The following IGSF5 variants were observed in gnomAD, a reference collection of about 807,000 sequenced individuals.
IGSF5 encodes the protein immunoglobulin superfamily 5 like.
A neutral mutation model predicts 39.4 loss-of-function variants in IGSF5; 41 were observed. The ratio of observed to expected loss-of-function variants is 1.04; its 90% CI spans 0.81 to 1.35. IGSF5 has a LOEUF of 1.35. IGSF5 is among the 40% of genes most tolerant of loss of function. The probability of loss-of-function intolerance (pLI) is 0.00; values close to 1 mark genes in which losing one functional copy is unlikely to be tolerated. For synonymous variants in IGSF5, 183 were observed against 175.3 expected, an observed-to-expected ratio of 1.04 and a Z score of -0.34; for missense variants, 487 against 494.6, an observed-to-expected ratio of 0.98 and a Z score of 0.15.
intron 5 of IGSF5, among the ~76,000 whole-genome samples, chr21:39,786,025 A>G (rs1282719235): frequency 6.6e-6 from 1 of 152,236 alleles, no homozygotes; most frequent in East Asian, 1.9e-4. Context: ...CCTAGGCATT[A>G]CCATTCAGAA....
chr21:39,748,969 A>C (rs2146269987), intron 2 of IGSF5, among the ~76,000 whole-genome samples: 1 of 152,286 alleles, frequency 6.6e-6, no homozygotes, highest in South Asian at 2.1e-4. Context: ...ACAAAAATTA[A>C]CTTTTCTGCT....
intron 4 of IGSF5, among the ~76,000 whole-genome samples, chr21:39,778,326 G>C (rs1370706578): frequency 6.6e-6 from 1 of 152,154 alleles, no homozygotes; most frequent in African/African-American, 2.4e-5. Context: ...ATGATCATGT[G>C]AAGCCACAAC....
At chr21:39,742,875 T>C (rs538719880), upstream of IGSF5, among the ~76,000 whole-genome samples, 5 of 152,222 alleles carry the variant, frequency 3.3e-5, no homozygotes, top group Admixed American at 3.3e-4. Flanking sequence ...TTCTAAGTTT[T>C]GCTCCAGGCC....
At chr21:39,715,555 A>G in the IGSF5 span, among the ~76,000 whole-genome samples, 1 of 152,168 alleles carries the variant, frequency 6.6e-6, no homozygotes, top group Non-Finnish European at 1.5e-5. Flanking sequence ...CTTAATAATC[A>G]TCTCTAGCAC....
chr21:39,799,630 C>G lies in IGSF5; in HGVS notation c.1129-1632C>G, dbSNP rs114650893. Among the ~76,000 whole-genome samples the G allele has an allele frequency of 1.4e-3, 211 of 151,968 alleles. 1 individual carries two copies. The highest frequency in any genetic ancestry group is 4.7e-3 in the African/African-American group (195 of 41,430). On this transcript the variant is annotated intron_variant, in intron 8 of 8. Transcript: ENST00000380588. Reference sequence around the variant, plus strand: ...ATTTAGAATTACTTGTACCTCGTGTCCCTGCTCCACCGGCCTTGCTGCAAA... The same window carrying G: ...ATTTAGAATTACTTGTACCTCGTGTGCCTGCTCCACCGGCCTTGCTGCAAA...
At position 39,771,318 on chromosome 21, in the gene IGSF5, C is replaced by T. The variant is rs1049134679; in HGVS notation, c.718+103C>T. 4.1e-5 allele frequency: 47 copies of T among 1,141,502 alleles called. No homozygotes were observed. In the South Asian group the frequency reaches 8.7e-4, roughly 21 times the overall value. 70.7% of individuals were successfully genotyped at this position (1,141,502 alleles called of 1,614,324 possible). A position where few individuals can be genotyped will look rare whatever the true frequency, so the allele number is the denominator to read the frequency against. On this transcript the variant is annotated intron_variant, in intron 4 of 8. Coordinates refer to ENST00000380588, the MANE Select transcript of IGSF5 (RefSeq NM_001080444.2). ...CACGATGCCTGGAAAAATCATATGG[C>T]GACCTTGATTTTGGGTGGGGATGAT...
chr21:39,770,631 T>A (rs146058603), intron 3 of IGSF5, among the ~76,000 whole-genome samples: 5 of 152,048 alleles, frequency 3.3e-5, no homozygotes, highest in Admixed American at 1.3e-4. Flanking sequence ...CACATAATTA[T>A]TTCCCCCTGG....
At chr21:39,732,079 C>T in the IGSF5 span, among the ~76,000 whole-genome samples, 1 of 152,148 alleles carries the variant, frequency 6.6e-6, no homozygotes, top group African/African-American at 2.4e-5. Flanking sequence ...CAGAACCAAG[C>T]TCCTAGTCAA....
Position 39,771,198 on chromosome 21 carries a change from T to C in IGSF5, c.701T>C (p.Val234Ala). The change falls in exon 4 of 9, where the codon GTG (valine) becomes GCG (alanine). Residue 234 changes from valine (V) to alanine (A), a missense_variant. Val to Ala is a moderately conservative substitution (Grantham distance 64). Coordinates refer to ENST00000380588, the MANE Select transcript of IGSF5 (RefSeq NM_001080444.2). ...AAGTCTGCAACTGTAAATCTCACTG[T>C]GATTCGGTGTCCCCAAGGTAAGTGA... is the stretch of plus-strand genomic sequence containing the variant. Reference protein sequence around the residue: ...ARKSATVNLTVIRCPQDTGGG... With the variant: ...ARKSATVNLTAIRCPQDTGGG... 6.3e-7 allele frequency: 1 copy of C among 1,578,168 alleles called. No individual in the cohort carries two copies. Among genetic ancestry groups the C allele is most frequent in the African/African-American group, 1.4e-5 (1 of 74,042 alleles).
At chr21:39,794,142 C>T (rs988155013) in intron 8 of IGSF5, among the ~76,000 whole-genome samples, 21 of 152,060 alleles carry the variant, frequency 1.4e-4, no homozygotes, top group Admixed American at 2.6e-4. Flanking sequence ...AAAATCCTGT[C>T]GGGGTTAGAA....
intron 8 of IGSF5, among the ~76,000 whole-genome samples, 168 bp downstream of exon 8, chr21:39,793,781 G>T (rs7278863): frequency 6.6e-6 from 1 of 152,128 alleles, no homozygotes; most frequent in Non-Finnish European, 1.5e-5. Flanking sequence ...GGGCTGAGAC[G>T]TGGACTGTTT....
intron 3 of IGSF5, among the ~76,000 whole-genome samples, chr21:39,770,575 A>ACT (rs376660734): frequency 2.0e-5 from 3 of 152,068 alleles, no homozygotes; most frequent in African/African-American, 7.2e-5. Flanking sequence ...TCTGTAGCTC[A>ACT]CTTCAGGGAT....
chr21:39,716,487 C>G, the IGSF5 span, among the ~76,000 whole-genome samples: 2 of 152,156 alleles, frequency 1.3e-5, no homozygotes, highest in African/African-American at 4.8e-5. Context: ...TTCTGCTCCT[C>G]TCTCTCCTCC....
At chr21:39,734,724 T>C in the IGSF5 span, among the ~76,000 whole-genome samples, 85 of 152,304 alleles carry the variant, frequency 5.6e-4, 1 homozygote, top group African/African-American at 1.9e-3. Context: ...GAATTTCGTC[T>C]GTGGGAAGCT....
chr21:39,742,190 G>A (rs1408431341), upstream of IGSF5, among the ~76,000 whole-genome samples: 3 of 151,884 alleles, frequency 2.0e-5, no homozygotes, highest in African/African-American at 7.3e-5. Context: ...CTTCTCCTAT[G>A]TTCAGGTGTA....
In IGSF5 at chr21:39,770,963, A is replaced by G; in HGVS notation, c.466A>G (p.Asn156Asp). Residue 156 changes from asparagine to aspartate, a missense_variant, in exon 4 of 9, where the codon AAT becomes GAT. Transcript: ENST00000380588. ...CAGTGTTAATCTTGTAGTCGCTGAG[A>G]ATGAACCTTGTGAAGTTACTTGTCT... ...IPSVNLVVAE[N>D]EPCEVTCLPS... 1 of 1,608,470 alleles carries G rather than the reference A, an allele frequency of 6.2e-7. No homozygotes were observed. Among genetic ancestry groups the G allele is most frequent in the Admixed American group, 1.7e-5 (1 of 59,516 alleles).
chr21:39,734,439 T>TACACACAC, the IGSF5 span, among the ~76,000 whole-genome samples: 3,029 of 120,230 alleles, frequency 0.025, 121 homozygotes, highest in African/African-American at 0.078. Context: ...AAAAAAAAAA[T>TACACACAC]ACACACACAC....
intron 5 of IGSF5, among the ~76,000 whole-genome samples, chr21:39,785,612 A>T (rs1333050291): frequency 5.3e-5 from 8 of 152,120 alleles, no homozygotes; most frequent in African/African-American, 1.9e-4. Context: ...TGGTAGCTTG[A>T]TGGGGATGGC....
At chr21:39,771,298 T>C (rs2080113583) in intron 4 of IGSF5, 83 bp downstream of exon 4, 2 of 1,305,618 alleles carry the variant, frequency 1.5e-6, no homozygotes, top group Non-Finnish European at 2.0e-6. Flanking sequence ...TCATCCACGA[T>C]GCCTGGAAAA....
Sources: gnomAD v4.1 joint callset for allele counts (sites outside exome capture counted in the v4.1 genomes callset) on GRCh38, gnomAD v4.1.1 for gene constraint, MANE v1.5 for transcripts, NCBI Gene and HGNC (gene_info 2026-07-23, HGNC 2026-07-21) for gene names.